SLC13A5: variants seen among roughly 807,000 people sequenced by gnomAD.
The protein encoded by SLC13A5 is solute carrier family 13 member 5, also known as Na(+)/citrate cotransporter.
A neutral mutation model predicts 56.5 loss-of-function variants in SLC13A5; 25 were observed. The observed-to-expected ratio is 0.44, with a 90% CI of 0.32 to 0.62. The LOEUF (loss-of-function observed/expected upper bound fraction) is 0.62, where lower values mean the gene tolerates loss of function less well. Among genes scored for constraint, SLC13A5 ranks in the 20% least tolerant of loss-of-function variants. The pLI is 0.04. For synonymous variants in SLC13A5, 307 were observed against 301.5 expected (o/e 1.02, Z -0.19); for missense variants, 649 against 737.8 (o/e 0.88, Z 1.39).
At chr17:6,699,126 G>A (rs953952403) in intron 6 of SLC13A5, among the ~76,000 whole-genome samples, 3 of 151,344 alleles carry the variant, frequency 2.0e-5, no homozygotes, top group Non-Finnish European at 2.9e-5. Context: ...GGAAAAGAGC[G>A]CTCGAAATCA....
intron 5 of SLC13A5, 118 bp downstream of exon 5, chr17:6,702,852 C>G: frequency 7.7e-7 from 1 of 1,299,728 alleles, no homozygotes; most frequent in Non-Finnish European, 1.1e-6. Context: ...GCTCCCAGGC[C>G]AGGTCTGGCT....
rs1973445286 is a variant in SLC13A5, at chr17:6,692,743, C to T, written c.1275+301G>A. 1 of 387,202 alleles carries T rather than the reference C, an allele frequency of 2.6e-6. No individual in the cohort carries two copies. Among genetic ancestry groups the T allele is most frequent in the African/African-American group, 2.1e-5 (1 of 47,764 alleles). 24.0% of individuals were successfully genotyped at this position (387,202 alleles called of 1,614,324 possible). Reference sequence around the variant, plus strand: ...AAGATTTCCCTCAGACAAATCAAAGCAGAGATTATTGTGATCAAGCCCCAG... The same window carrying T: ...AAGATTTCCCTCAGACAAATCAAAGTAGAGATTATTGTGATCAAGCCCCAG... On this transcript the variant is annotated intron_variant, in intron 9 of 11. Transcript: ENST00000433363. This position sits in a 1 kb window ranked among gnomAD's most constrained non-coding sequence, Gnocchi z 5.5.
At position 6,690,959 on chromosome 17, in the gene SLC13A5, G is replaced by A. The variant is rs200223186; in HGVS notation, c.1276-19C>T. On this transcript the variant is annotated intron_variant, in intron 9 of 11. Transcript: ENST00000433363. Reference sequence around the variant, plus strand: ...CCGAGGCCTGGGAAGCACCAGGAGGGCAGTCATCTCAGCGCTCCCAGCTTG... The same window carrying A: ...CCGAGGCCTGGGAAGCACCAGGAGGACAGTCATCTCAGCGCTCCCAGCTTG... 1.3e-6 allele frequency: 2 copies of A among 1,588,820 alleles called. No individual in the cohort carries two copies. The highest frequency in any genetic ancestry group is 2.3e-5 in the South Asian group (2 of 87,042).
At chr17:6,706,916 C>A in intron 2 of SLC13A5, 112 bp downstream of exon 2, 1 of 1,560,570 alleles carries the variant, frequency 6.4e-7, no homozygotes, top group East Asian at 2.3e-5. Flanking sequence ...AGGGAGAATC[C>A]ACAAATGAGG....
chr17:6,702,819 C>T, intron 5 of SLC13A5, 151 bp downstream of exon 5: 1 of 912,100 alleles, frequency 1.1e-6, no homozygotes, highest in Middle Eastern at 3.4e-4. Context: ...CTAGATGGGG[C>T]CACATCTTTC....
intron 4 of SLC13A5, 99 bp downstream of exon 4, chr17:6,703,779 G>A (rs989124244): frequency 2.6e-5 from 34 of 1,302,254 alleles, no homozygotes; most frequent in Admixed American, 8.3e-5. Flanking sequence ...GGAGGGCTCC[G>A]GGAAGCAGAC....
chr17:6,712,079 G>A (rs1974056244), intron 1 of SLC13A5, among the ~76,000 whole-genome samples: 1 of 152,198 alleles, frequency 6.6e-6, no homozygotes, highest in Non-Finnish European at 1.5e-5. Context: ...TAGCCCCATT[G>A]TACAGATGAG....
chr17:6,686,216 AAT>A lies in SLC13A5; in HGVS notation c.1696_1697del (p.Ile566Ter), dbSNP rs1311685227. 72 of 1,614,008 alleles carry A rather than the reference AAT, an allele frequency of 4.5e-5. 1 individual carries two copies. In the Admixed American group the frequency reaches 1.2e-3, roughly 27 times the overall value. On this transcript the variant is annotated frameshift_variant, in exon 12 of 12. Transcript: ENST00000433363. LOFTEE classifies it high-confidence loss of function. ...GGTCTTGTGGCTCTTCCTAAGTCTC[AAT>A]ATGTGTCACATTAGCCCAGTCAGGG... ...HFPDWANVTH[I>X]ET
In SLC13A5 at chr17:6,687,706, C is replaced by A. The variant is rs202145930; in HGVS notation, c.1438-40G>T. 6.5e-7 allele frequency: 1 copy of A among 1,527,366 alleles called. No homozygotes were observed. The highest frequency in any genetic ancestry group is 1.4e-5 in the African/African-American group (1 of 70,676). The allele number at this position is 1,527,366 out of a possible 1,614,324, so 94.6% of individuals were successfully genotyped here. Reference sequence around the variant, plus strand: ...CACTGCAACATCACCGTACAGAACACAGAAGCTCTTGGGGACGTGATTCTG... The same window carrying A: ...CACTGCAACATCACCGTACAGAACAAAGAAGCTCTTGGGGACGTGATTCTG... On this transcript the variant is annotated intron_variant, in intron 10 of 11. Coordinates refer to ENST00000433363, the MANE Select transcript of SLC13A5 (RefSeq NM_177550.5). The surrounding 1 kb of genome is among the most constrained non-coding windows in gnomAD (Gnocchi z 5.0).
chr17:6,705,792 C>G (rs1973849729), intron 3 of SLC13A5, among the ~76,000 whole-genome samples: 3 of 152,150 alleles, frequency 2.0e-5, no homozygotes, highest in Non-Finnish European at 4.4e-5. Context: ...CAAGGACGTG[C>G]CATCATTGAG....
chr17:6,696,374 GA>G (rs1484154607), intron 6 of SLC13A5, among the ~76,000 whole-genome samples: 2 of 152,196 alleles, frequency 1.3e-5, no homozygotes, highest in African/African-American at 2.4e-5. Flanking sequence ...TGCAGGGAGT[GA>G]GTATGAACCC....
rs1973239994 is a variant in SLC13A5, at chr17:6,686,094, G to A, written c.*113C>T. 6.7e-7 allele frequency: 1 copy of A among 1,481,564 alleles called. No individual in the cohort carries two copies. The highest frequency in any genetic ancestry group is 9.2e-7 in the Non-Finnish European group (1 of 1,088,912). The allele number at this position is 1,481,564 out of a possible 1,614,324, so 91.8% of individuals were successfully genotyped here. Reference sequence around the variant, plus strand: ...ATTGGCTGGGTTTTGGTGGTGTGTGGACATCGTTGGGTCATTTTGGGGTGT... The same window carrying A: ...ATTGGCTGGGTTTTGGTGGTGTGTGAACATCGTTGGGTCATTTTGGGGTGT... On this transcript the variant is annotated 3_prime_UTR_variant, in exon 12 of 12. Coordinates refer to ENST00000433363, the MANE Select transcript of SLC13A5 (RefSeq NM_177550.5).
In SLC13A5 at chr17:6,690,842, C is replaced by T; in HGVS notation, c.1374G>A (p.Val458=). 1 of 1,614,226 alleles carries T rather than the reference C, an allele frequency of 6.2e-7. No homozygotes were observed. The highest frequency in any genetic ancestry group is 1.1e-5 in the South Asian group (1 of 91,086). The part of the protein sequence containing the change: ...ITLILSLLVA[V]FTECTSNVAT... ...CCACGTTGCTTGTGCACTCAGTGAA[C>T]ACGGCAACGAGCAAGGACAAGATCA... is the stretch of plus-strand genomic sequence containing the variant. The change falls in exon 10 of 12, where the codon GTG becomes GTA. Residue 458 remains valine (V), a synonymous_variant. Coordinates refer to ENST00000433363, the MANE Select transcript of SLC13A5 (RefSeq NM_177550.5).
At chr17:6,707,240 A>G in intron 1 of SLC13A5, 84 bp from the exon 2 acceptor site, 2 of 1,546,334 alleles carry the variant, frequency 1.3e-6, no homozygotes, top group Admixed American at 3.5e-5. Flanking sequence ...GCTGGCATGG[A>G]TTGTCAAGAC....
At position 6,690,911 on chromosome 17, in the gene SLC13A5, C is replaced by G. The variant is rs751792864; in HGVS notation, c.1305G>C (p.Lys435Asn). 1.2e-6 allele frequency: 2 copies of G among 1,612,896 alleles called. No individual in the cohort carries two copies. The highest frequency in any genetic ancestry group is 1.1e-5 in the South Asian group (1 of 90,952). ...GCACTGCGTGCAAGGGCTCCATCTG[C>G]TTCCCCATCCACACGGACAGCCCCG... ...EASGLSVWMGKQMEPLHAVPP... is the reference protein window; with the variant it reads ...EASGLSVWMGNQMEPLHAVPP... The change falls in exon 10 of 12, where the codon AAG becomes AAC. Residue 435 changes from lysine (K) to asparagine (N), a missense_variant. Lys to Asn is a moderately conservative substitution (Grantham distance 94, BLOSUM62 0). Transcript: ENST00000433363.
rs1247978528 is a variant in SLC13A5, at chr17:6,711,930, G to T, written c.102+1302C>A. Among the ~76,000 whole-genome samples the T allele has an allele frequency of 6.6e-6, 1 of 152,130 alleles. No individual in the cohort carries two copies. Among genetic ancestry groups the T allele is most frequent in the African/African-American group, 2.4e-5 (1 of 41,418 alleles). ...GGCAACTGCACAGCCTCCACAGTTGGATCTGCTGTCCTTGACCCATCCAGG... is the reference window on the plus strand; with the variant it reads ...GGCAACTGCACAGCCTCCACAGTTGTATCTGCTGTCCTTGACCCATCCAGG... On this transcript the variant is annotated intron_variant, in intron 1 of 11. Coordinates refer to ENST00000433363, the MANE Select transcript of SLC13A5 (RefSeq NM_177550.5). This position sits in a 1 kb window ranked among gnomAD's most constrained non-coding sequence, Gnocchi z 4.0.
Position 6,699,527 on chromosome 17 carries a change from G to A in SLC13A5, c.839+1477C>T, listed in dbSNP as rs1973654543. Among the ~76,000 whole-genome samples, 8 of 152,150 alleles carry A rather than the reference G, an allele frequency of 5.3e-5. No individual in the cohort carries two copies. In the South Asian group the frequency reaches 1.7e-3, roughly 32 times the overall value. ...GCTCTGTCGCCCAGGCTGGAGTGCA[G>A]TGGCATGATCTTGGCTTACTGCAAC... On this transcript the variant is annotated intron_variant, in intron 6 of 11. Transcript: ENST00000433363.
In SLC13A5 at chr17:6,686,151, A is replaced by C. The variant is rs1460845820; in HGVS notation, c.*56T>G. On this transcript the variant is annotated 3_prime_UTR_variant, in exon 12 of 12. Coordinates refer to ENST00000433363, the MANE Select transcript of SLC13A5 (RefSeq NM_177550.5). ...CAAAACTCTGTACAAGGTGTGCCAG[A>C]AGGTTCGGTAGTCCTGAGGAGGGTA... 1 of 1,609,914 alleles carries C rather than the reference A, an allele frequency of 6.2e-7. No individual in the cohort carries two copies. Among genetic ancestry groups the C allele is most frequent in the Non-Finnish European group, 8.5e-7 (1 of 1,177,312 alleles).
At chr17:6,708,082 C>T (rs933303734) in intron 1 of SLC13A5, among the ~76,000 whole-genome samples, 6 of 152,184 alleles carry the variant, frequency 3.9e-5, no homozygotes, top group Admixed American at 6.5e-5. Context: ...AAGCGATTCT[C>T]CTGCCTCAAC....
Sources: gnomAD v4.1 joint callset for allele counts (sites outside exome capture counted in the v4.1 genomes callset) on GRCh38, gnomAD v4.1.1 for gene constraint, Gnocchi (gnomAD v3.1) non-coding constraint, MANE v1.5 for transcripts, NCBI Gene and HGNC (gene_info 2026-07-23, HGNC 2026-07-21) for gene names.